PLCXD3: variants seen among roughly 807,000 people sequenced by gnomAD.
PLCXD3 encodes the protein PI-PLC X domain-containing protein 3.
Under a neutral mutation model 25.5 loss-of-function variants are expected in PLCXD3, and 19 were observed. That is an observed-to-expected ratio of 0.75 (90% confidence interval 0.52 to 1.09). The LOEUF (loss-of-function observed/expected upper bound fraction) is 1.09. PLCXD3 is among the 50% of genes least tolerant of loss of function. The probability of loss-of-function intolerance (pLI) is 0.00; values close to 1 mark genes in which losing one functional copy is unlikely to be tolerated. For missense variants in PLCXD3, 411 were observed against 388.1 expected (o/e 1.06, Z -0.50); for synonymous variants, 174 against 137.6 (o/e 1.26, Z -1.85).
At chr5:41,504,281 G>A (rs1749012559) in intron 1 of PLCXD3, among the ~76,000 whole-genome samples, 1 of 152,168 alleles carries the variant, frequency 6.6e-6, no homozygotes, top group Non-Finnish European at 1.5e-5. Context: ...TTAAGAGGAA[G>A]TCAATACAAA....
At chr5:41,498,847 A>G (rs1214464016) in intron 1 of PLCXD3, among the ~76,000 whole-genome samples, 1 of 151,826 alleles carries the variant, frequency 6.6e-6, no homozygotes, top group East Asian at 1.9e-4. Context: ...AAGATGATTC[A>G]ACATATAAAA....
chr5:41,427,520 A>G (rs1746989808), intron 1 of PLCXD3, among the ~76,000 whole-genome samples: 1 of 152,164 alleles, frequency 6.6e-6, no homozygotes, highest in Non-Finnish European at 1.5e-5. Context: ...AATTTTATGT[A>G]CACTTATGTG....
chr5:41,340,506 G>T (rs1744108926), intron 2 of PLCXD3, among the ~76,000 whole-genome samples: 2 of 152,088 alleles, frequency 1.3e-5, no homozygotes, highest in African/African-American at 4.8e-5. Flanking sequence ...CCACAGCTGG[G>T]GTTCAAATTT....
rs1743132922 is a variant in PLCXD3, at chr5:41,311,353, ATAAT to A, written c.*2260_*2263del. On this transcript the variant is annotated 3_prime_UTR_variant, in exon 3 of 3. Coordinates refer to ENST00000377801, the MANE Select transcript of PLCXD3 (RefSeq NM_001005473.3). ...AGAAGAGAAGAAATATATTTTAAAA[ATAAT>A]TAAGTCCTACACTAGAATTCTTTTA... 1 of 152,156 alleles carries A rather than the reference ATAAT, an allele frequency of 6.6e-6. No homozygotes were observed. The highest frequency in any genetic ancestry group is 1.5e-5 in the Non-Finnish European group (1 of 67,996). 9.4% of individuals were successfully genotyped at this position (152,156 alleles called of 1,614,324 possible).
rs1367752487 is a variant in PLCXD3, at chr5:41,311,766, A to G, written c.*1851T>C. On this transcript the variant is annotated 3_prime_UTR_variant, in exon 3 of 3. Transcript: ENST00000377801. ...TGCTAATAAGTACTATTTTCTGATC[A>G]TGAGTATTTATAATCTTGAAATCAA... 1.3e-5 allele frequency: 2 copies of G among 152,310 alleles called. No homozygotes were observed. Among genetic ancestry groups the G allele is most frequent in the Non-Finnish European group, 2.9e-5 (2 of 68,000 alleles). The allele number at this position is 152,310 out of a possible 1,614,324, so 9.4% of individuals were successfully genotyped here.
intron 1 of PLCXD3, among the ~76,000 whole-genome samples, chr5:41,408,587 A>G (rs1746424610): frequency 6.6e-6 from 1 of 150,590 alleles, no homozygotes; most frequent in African/African-American, 2.5e-5. Context: ...AGGTTGACAG[A>G]ACATTTATTA....
chr5:41,342,812 C>T (rs1744188972), intron 2 of PLCXD3, among the ~76,000 whole-genome samples: 2 of 152,098 alleles, frequency 1.3e-5, no homozygotes, highest in South Asian at 2.1e-4. Context: ...TTATAACATA[C>T]TTAGCTATTT....
At chr5:41,316,210 C>G (rs559955913) in intron 2 of PLCXD3, among the ~76,000 whole-genome samples, 1 of 152,274 alleles carries the variant, frequency 6.6e-6, no homozygotes, top group African/African-American at 2.4e-5. Flanking sequence ...CATGAGGTCC[C>G]CGTTCCAGGC....
intron 2 of PLCXD3, among the ~76,000 whole-genome samples, chr5:41,366,315 A>G (rs1744936692): frequency 6.6e-6 from 1 of 152,228 alleles, no homozygotes; most frequent in Non-Finnish European, 1.5e-5. Context: ...ATCCTTCAAG[A>G]AAAGCACTAA....
chr5:41,357,065 C>CAGAGTTAGG (rs1485319949), intron 2 of PLCXD3, among the ~76,000 whole-genome samples: 1 of 152,216 alleles, frequency 6.6e-6, no homozygotes, highest in Non-Finnish European at 1.5e-5. Flanking sequence ...TGACCTAACT[C>CAGAGTTAGG]TGAGATGGGC....
intron 2 of PLCXD3, among the ~76,000 whole-genome samples, chr5:41,372,764 C>T (rs1006498419): frequency 1.8e-4 from 28 of 152,004 alleles, no homozygotes; most frequent in Non-Finnish European, 3.2e-4. Context: ...GAGTTCTTGG[C>T]CATGCATGGT....
At chr5:41,391,389 C>A (rs1310334007) in intron 1 of PLCXD3, among the ~76,000 whole-genome samples, 4 of 152,122 alleles carry the variant, frequency 2.6e-5, no homozygotes, top group Admixed American at 2.6e-4. Flanking sequence ...CAGGATAGGA[C>A]ACCAGTCAGA....
chr5:41,435,808 C>T (rs1326942968), intron 1 of PLCXD3, among the ~76,000 whole-genome samples: 1 of 152,226 alleles, frequency 6.6e-6, no homozygotes, highest in Non-Finnish European at 1.5e-5. Context: ...TAAGCTTCTT[C>T]TTCAGAGTTT....
intron 2 of PLCXD3, among the ~76,000 whole-genome samples, chr5:41,351,343 G>A (rs1339617779): frequency 1.3e-5 from 2 of 152,084 alleles, no homozygotes; most frequent in East Asian, 3.9e-4. Flanking sequence ...CTTCCCATTG[G>A]AGTGTGAGCT....
At chr5:41,500,120 A>G (rs1169627857) in intron 1 of PLCXD3, among the ~76,000 whole-genome samples, 4 of 151,936 alleles carry the variant, frequency 2.6e-5, no homozygotes, top group South Asian at 2.1e-4. Context: ...CTGCACTCAT[A>G]TGTTTATCTC....
At chr5:41,455,092 C>T (rs972274947) in intron 1 of PLCXD3, among the ~76,000 whole-genome samples, 2 of 151,876 alleles carry the variant, frequency 1.3e-5, no homozygotes, top group Non-Finnish European at 2.9e-5. Flanking sequence ...CAACCACCTC[C>T]ACCTGGTCTC....
At position 41,416,016 on chromosome 5, in the gene PLCXD3, A is replaced by C. The variant is rs544314698; in HGVS notation, c.104-33482T>G. Among the ~76,000 whole-genome samples, 61 of 152,314 alleles carry C rather than the reference A, an allele frequency of 4.0e-4. No homozygotes were observed. In the South Asian group the frequency reaches 0.012, roughly 31 times the overall value. Reference sequence around the variant, plus strand: ...AAACTGGAAGGAGAGGGCTATAATGAAGATGCCTTGAGAGGAAAAAGGATC... The same window carrying C: ...AAACTGGAAGGAGAGGGCTATAATGCAGATGCCTTGAGAGGAAAAAGGATC... On this transcript the variant is annotated intron_variant, in intron 1 of 2. Coordinates refer to ENST00000377801, the MANE Select transcript of PLCXD3 (RefSeq NM_001005473.3).
intron 1 of PLCXD3, among the ~76,000 whole-genome samples, chr5:41,491,745 T>G (rs901122100): frequency 2.6e-5 from 4 of 152,142 alleles, no homozygotes; most frequent in African/African-American, 7.2e-5. Context: ...TATCAGAGAC[T>G]AGGATTGCAA....
intron 1 of PLCXD3, among the ~76,000 whole-genome samples, chr5:41,429,738 A>G (rs1475628316): frequency 6.6e-6 from 1 of 152,150 alleles, no homozygotes; most frequent in Admixed American, 6.5e-5. Flanking sequence ...GGAAAAAGAG[A>G]AAAAGGAATG....
Sources: gnomAD v4.1 joint callset for allele counts (sites outside exome capture counted in the v4.1 genomes callset) on GRCh38, gnomAD v4.1.1 for gene constraint, MANE v1.5 for transcripts, NCBI Gene and HGNC (gene_info 2026-07-23, HGNC 2026-07-21) for gene names.